ZNF475: variants seen among roughly 807,000 people sequenced by gnomAD.
ZNF475 encodes the protein zinc finger protein 475.
the ZNF475 span, chr5:122,182,411 A>G: frequency 8.5e-7 from 1 of 1,174,888 alleles, no homozygotes; most frequent in South Asian, 1.8e-5. Flanking sequence ...AAACTGATCC[A>G]TTTTACCTTT....
the ZNF475 span, chr5:122,179,558 G>A: frequency 6.0e-6 from 9 of 1,502,156 alleles, no homozygotes; most frequent in African/African-American, 7.0e-5. Context: ...AGCCAACAAT[G>A]ATACGGCGTC....
the ZNF475 span, among the ~76,000 whole-genome samples, chr5:122,170,870 G>C: frequency 6.6e-6 from 1 of 152,028 alleles, no homozygotes; most frequent in African/African-American, 2.4e-5. Context: ...CATCACTCCC[G>C]GGGATTCCAA....
chr5:122,164,595 C>G, the ZNF475 span, among the ~76,000 whole-genome samples: 1 of 152,128 alleles, frequency 6.6e-6, no homozygotes, highest in Non-Finnish European at 1.5e-5. Context: ...GTAACTCACC[C>G]CAGCAGCCAA....
chr5:122,166,102 C>G, the ZNF475 span, among the ~76,000 whole-genome samples: 1 of 152,118 alleles, frequency 6.6e-6, no homozygotes, highest in Admixed American at 6.6e-5. Flanking sequence ...TCTTTTTGAG[C>G]TGAATGACCC....
the ZNF475 span, among the ~76,000 whole-genome samples, chr5:122,162,661 T>C: frequency 6.6e-6 from 1 of 152,194 alleles, no homozygotes; most frequent in Non-Finnish European, 1.5e-5. Flanking sequence ...CATATTCTAA[T>C]CTCCTTTGCC....
chr5:122,172,093 T>C, the ZNF475 span, among the ~76,000 whole-genome samples: 1 of 152,200 alleles, frequency 6.6e-6, no homozygotes, highest in Non-Finnish European at 1.5e-5. Context: ...AGTGGATTAA[T>C]TGCCACTCTT....
the ZNF475 span, among the ~76,000 whole-genome samples, chr5:122,180,664 A>G: frequency 3.3e-5 from 5 of 152,184 alleles, no homozygotes; most frequent in Admixed American, 1.3e-4. Context: ...CCATTCTCCT[A>G]TGTAACCGTA....
chr5:122,162,152 T>A, the ZNF475 span: 1 of 152,178 alleles, frequency 6.6e-6, no homozygotes, highest in East Asian at 1.9e-4. Context: ...TAGTTCTTTT[T>A]AAAAAATTAA....
chr5:122,160,291 T>C, the ZNF475 span: 5 of 1,289,512 alleles, frequency 3.9e-6, no homozygotes, highest in Non-Finnish European at 5.1e-6. Flanking sequence ...TTCTACATTG[T>C]TGGCTCCAGA....
At chr5:122,172,046 C>T in the ZNF475 span, among the ~76,000 whole-genome samples, 7 of 152,128 alleles carry the variant, frequency 4.6e-5, no homozygotes, top group Admixed American at 3.9e-4. Flanking sequence ...GGCACAGCCT[C>T]TACAATTTCT....
the ZNF475 span, among the ~76,000 whole-genome samples, chr5:122,177,154 T>A: frequency 1.2e-4 from 18 of 152,304 alleles, 1 homozygote; most frequent in South Asian, 2.5e-3. Context: ...CTATATGGAA[T>A]CAACCTTGGT....
the ZNF475 span, among the ~76,000 whole-genome samples, chr5:122,172,029 G>C: frequency 6.6e-6 from 1 of 152,154 alleles, no homozygotes; most frequent in Non-Finnish European, 1.5e-5. Flanking sequence ...ACAGATAAGA[G>C]CCACTGGGCA....
chr5:122,180,030 A>C, the ZNF475 span: 1 of 181,076 alleles, frequency 5.5e-6, no homozygotes, highest in Non-Finnish European at 1.1e-5. Flanking sequence ...AATGTAAAAT[A>C]AATAATAAAA....
At chr5:122,167,473 A>G in the ZNF475 span, among the ~76,000 whole-genome samples, 1 of 152,328 alleles carries the variant, frequency 6.6e-6, no homozygotes, top group East Asian at 1.9e-4. Context: ...AAGAGTTTAG[A>G]ATAGAGATCA....
the ZNF475 span, among the ~76,000 whole-genome samples, chr5:122,170,606 A>G: frequency 6.6e-6 from 1 of 152,208 alleles, no homozygotes; most frequent in South Asian, 2.1e-4. Context: ...GGATTTGCCA[A>G]CATGGAAGCT....
the ZNF475 span, among the ~76,000 whole-genome samples, chr5:122,182,153 T>G: frequency 6.6e-6 from 1 of 152,232 alleles, no homozygotes; most frequent in Admixed American, 6.5e-5. Flanking sequence ...ATAATGTGTA[T>G]GCAAAGATGT....
At chr5:122,180,507 T>C in the ZNF475 span, among the ~76,000 whole-genome samples, 2 of 152,262 alleles carry the variant, frequency 1.3e-5, no homozygotes, top group African/African-American at 4.8e-5. Context: ...TTTATTCATT[T>C]AGGGTATGAG....
chr5:122,174,375 A>G, the ZNF475 span, among the ~76,000 whole-genome samples: 2 of 152,222 alleles, frequency 1.3e-5, no homozygotes, highest in African/African-American at 4.8e-5. Flanking sequence ...TCAATGAAAA[A>G]TAAAATAGGT....
chr5:122,177,511 A>T, the ZNF475 span, among the ~76,000 whole-genome samples: 2 of 152,226 alleles, frequency 1.3e-5, no homozygotes, highest in Admixed American at 6.5e-5. Flanking sequence ...AATATAATTT[A>T]TATAGTACCA....
Sources: gnomAD v4.1 joint callset for allele counts (sites outside exome capture counted in the v4.1 genomes callset) on GRCh38, gnomAD v4.1.1 for gene constraint, MANE v1.5 for transcripts, NCBI Gene and HGNC (gene_info 2026-07-23, HGNC 2026-07-21) for gene names.